Variants in FAT2 observed in about 807,000 individuals in gnomAD.
FAT2 encodes the protein protocadherin Fat 2.
In FAT2, 150 loss-of-function variants were observed where a neutral mutation model predicts 295.3. The ratio of observed to expected loss-of-function variants is 0.51; its 90% CI spans 0.44 to 0.58. FAT2 has a LOEUF of 0.58. Ranked by LOEUF, FAT2 falls within the 20% of genes least tolerant of loss-of-function variation. The probability of loss-of-function intolerance (pLI) is 0.00; values close to 1 mark genes in which losing one functional copy is unlikely to be tolerated. For missense variants in FAT2, 4,868 were observed against 5,442.7 expected, an observed-to-expected ratio of 0.89 and a Z score of 3.32; for synonymous variants, 2,026 against 2,150.3, an observed-to-expected ratio of 0.94 and a Z score of 1.60.
chr5:151,586,680 TA>T (rs1363108845), intron 1 of FAT2, among the ~76,000 whole-genome samples: 1 of 152,224 alleles, frequency 6.6e-6, no homozygotes, highest in Non-Finnish European at 1.5e-5. Context: ...CCAATGTTTA[TA>T]AAATAAAAGC....
At position 151,568,795 on chromosome 5, in the gene FAT2, G is replaced by A. The variant is rs1220614830; in HGVS notation, c.137C>T (p.Ser46Phe). ...SHYNATIYEN[S>F]SPKTYVESFE... ...GCTCTCCACATAGGTCTTGGGAGAAGAATTTTCATAGATGGTGGCATTGTA... is the reference window on the plus strand; with the variant it reads ...GCTCTCCACATAGGTCTTGGGAGAAAAATTTTCATAGATGGTGGCATTGTA... The change falls in exon 2 of 24, where the codon TCT becomes TTT. Residue 46 changes from serine to phenylalanine, a missense_variant. Coordinates refer to ENST00000261800, the MANE Select transcript of FAT2 (RefSeq NM_001447.3). 1.2e-6 allele frequency: 2 copies of A among 1,614,174 alleles called. No homozygotes were observed. Among genetic ancestry groups the A allele is most frequent in the South Asian group, 2.2e-5 (2 of 91,078 alleles).
At position 151,540,627 on chromosome 5, in the gene FAT2, A is replaced by G; in HGVS notation, c.8979T>C (p.Ala2993=). Residue 2993 remains alanine (A), a synonymous_variant, in exon 11 of 24, where the codon GCT becomes GCC. Coordinates refer to ENST00000261800, the MANE Select transcript of FAT2 (RefSeq NM_001447.3). Reference sequence around the variant, plus strand: ...GGACAAAGATCTCCACAGTGACCGAAGCCTGGAACTTGCCATCAGATGCTG... The same window carrying G: ...GGACAAAGATCTCCACAGTGACCGAGGCCTGGAACTTGCCATCAGATGCTG... ...RVTASDGKFQ[A]SVTVEIFVLD... 1.2e-6 allele frequency: 2 copies of G among 1,614,188 alleles called. No individual in the cohort carries two copies. Among genetic ancestry groups the G allele is most frequent in the Non-Finnish European group, 1.7e-6 (2 of 1,180,028 alleles).
At chr5:151,546,403 A>T (rs1444773347) in intron 9 of FAT2, 66 bp from the exon 10 acceptor site, 2 of 1,255,418 alleles carry the variant, frequency 1.6e-6, no homozygotes, top group Non-Finnish European at 2.2e-6. Flanking sequence ...GGCTTTCTAG[A>T]TCAGTAAAGG....
chr5:151,593,249 G>A (rs1759483572), upstream of FAT2, among the ~76,000 whole-genome samples: 1 of 152,244 alleles, frequency 6.6e-6, no homozygotes, highest in South Asian at 2.1e-4. Flanking sequence ...GGGTGGCGGG[G>A]CAGCCCCACG....
Position 151,546,020 on chromosome 5 carries a change from A to G in FAT2, c.5107T>C (p.Phe1703Leu), listed in dbSNP as rs758341843. 6.2e-7 allele frequency: 1 copy of G among 1,614,208 alleles called. No individual in the cohort carries two copies. The highest frequency in any genetic ancestry group is 2.2e-5 in the East Asian group (1 of 44,884). ...ELREGNKDGV[F>L]SMNSYSGLIS... Reference sequence around the variant, plus strand: ...AGGCCAGAATATGAGTTCATAGAGAAGACTCCATCCTTATTTCCCTCTCTT... The same window carrying G: ...AGGCCAGAATATGAGTTCATAGAGAGGACTCCATCCTTATTTCCCTCTCTT... Residue 1703 changes from phenylalanine to leucine, a missense_variant, in exon 10 of 24, where the codon TTC (phenylalanine) becomes CTC (leucine). By Grantham distance (22) the Phe-to-Leu change is conservative. Around this residue, in one of 5 missense-constraint regions of FAT2, gnomAD observed 3,297 missense variants for 3,669.4 expected, o/e 0.90. Transcript: ENST00000261800.
rs1758262420 is a variant in FAT2, at chr5:151,566,359, G to T, written c.2573C>A (p.Thr858Asn). ...DSEDNGRVRYTLLSPTEKFSL... is the reference protein window; with the variant it reads ...DSEDNGRVRYNLLSPTEKFSL... ...GAACTTCTCTGTGGGACTTAGCAGG[G>T]TGTAGCGAACCCTGCCATTGTCTTC... Residue 858 changes from threonine to asparagine, a missense_variant, in exon 2 of 24, where the codon ACC becomes AAC. Thr to Asn is a moderately conservative substitution (Grantham distance 65). Coordinates refer to ENST00000261800, the MANE Select transcript of FAT2 (RefSeq NM_001447.3). 1 of 1,614,002 alleles carries T rather than the reference G, an allele frequency of 6.2e-7. No individual in the cohort carries two copies. Among genetic ancestry groups the T allele is most frequent in the East Asian group, 2.2e-5 (1 of 44,882 alleles).
chr5:151,540,787 C>A, intron 10 of FAT2, 24 bp from the exon 11 acceptor site: 1 of 1,593,574 alleles, frequency 6.3e-7, no homozygotes, highest in South Asian at 1.1e-5. Context: ...GCAGAGCTTT[C>A]AGAAGCCAAG....
At position 151,527,279 on chromosome 5, in the gene FAT2, A is replaced by T. The variant is rs779087424; in HGVS notation, c.10263T>A (p.Asp3421Glu). 6.2e-7 allele frequency: 1 copy of T among 1,607,728 alleles called. No individual in the cohort carries two copies. The highest frequency in any genetic ancestry group is 1.1e-5 in the South Asian group (1 of 90,662). ...DIAIQVADVN[D>E]NPPRFFQLNY... ...TGAGCTGGAAGAATCTCGGTGGGTT[A>T]TCATTGACATCAGCCACTTGGATAG... Residue 3421 changes from aspartate (D) to glutamate (E), a missense_variant, in exon 17 of 24, where the codon GAT (aspartate) becomes GAA (glutamate). Physicochemically the swap from Asp to Glu is conservative, Grantham distance 45. Transcript: ENST00000261800.
Position 151,534,491 on chromosome 5 carries a change from G to C in FAT2, c.9345C>G (p.Pro3115=). ...CGAAGACAGCCACAGCACAGTGGCT[G>C]GGGAAGAACCGCGGGGCATTGTCAT... ...DVNDNAPRFF[P]SHCAVAVFDN... is the part of the protein sequence containing the mutation. The change falls in exon 13 of 24, where the codon CCC becomes CCG. Residue 3115 remains proline, a synonymous_variant. Coordinates refer to ENST00000261800, the MANE Select transcript of FAT2 (RefSeq NM_001447.3). The C allele has an allele frequency of 6.2e-7, 1 of 1,614,082 alleles. No homozygotes were observed. The highest frequency in any genetic ancestry group is 8.5e-7 in the Non-Finnish European group (1 of 1,180,020).
chr5:151,563,199 T>G, intron 3 of FAT2, 126 bp downstream of exon 3: 4 of 881,038 alleles, frequency 4.5e-6, no homozygotes, highest in Non-Finnish European at 6.9e-6. Context: ...ATTCAGTGGA[T>G]TTAGGGTGGG....
chr5:151,549,363 A>T lies in FAT2; in HGVS notation c.4721T>A (p.Leu1574Gln), dbSNP rs2127619133. 2 of 1,614,042 alleles carry T rather than the reference A, an allele frequency of 1.2e-6. No homozygotes were observed. Among genetic ancestry groups the T allele is most frequent in the Middle Eastern group, 3.4e-4 (2 of 5,966 alleles). ...VPDTIAPGTE[L>Q]LQVRAMDADR... ...AGCATCCATGGCTCGGACCTGCAGC[A>T]GCTCTGTGCCGGGGGCTATGGTGTC... is the stretch of plus-strand genomic sequence containing the variant. The change falls in exon 9 of 24, where the codon CTG becomes CAG. Residue 1574 changes from leucine (L) to glutamine (Q), a missense_variant. By Grantham distance (113) the Leu-to-Gln change is moderately radical. Around this residue, in one of 5 missense-constraint regions of FAT2, gnomAD observed 3,297 missense variants for 3,669.4 expected, o/e 0.90. Coordinates refer to ENST00000261800, the MANE Select transcript of FAT2 (RefSeq NM_001447.3).
chr5:151,593,730 G>A (rs1424663674), upstream of FAT2, among the ~76,000 whole-genome samples: 4 of 152,116 alleles, frequency 2.6e-5, no homozygotes, highest in East Asian at 1.9e-4. Flanking sequence ...TAGGCTGGGC[G>A]CAGTGGCTCA....
rs1363572881 is a variant in FAT2 at position 151,507,334 on chromosome 5, T to C, written c.12337A>G (p.Asn4113Asp). The C allele has an allele frequency of 6.2e-7, 1 of 1,614,178 alleles. No homozygotes were observed. The highest frequency in any genetic ancestry group is 1.7e-5 in the Admixed American group (1 of 60,022). ...TTGCTGGGTTCCGGTTGGTTGAGGT[T>C]GTTGCAGGAGCTGGCACTCAATGGG... ...LNPLSASSCN[N>D]LNQPEPSKAS... is the part of the protein sequence containing the mutation. Residue 4113 changes from asparagine (N) to aspartate (D), a missense_variant, in exon 23 of 24, where the codon AAC (asparagine) becomes GAC (aspartate). Physicochemically the swap from Asn to Asp is conservative, Grantham distance 23. Around this residue, in one of 5 missense-constraint regions of FAT2, gnomAD observed 492 missense variants for 482.6 expected, o/e 1.02. Transcript: ENST00000261800.
At chr5:151,515,136 C>T (rs1752723933) in intron 20 of FAT2, among the ~76,000 whole-genome samples, 1 of 152,130 alleles carries the variant, frequency 6.6e-6, no homozygotes, top group African/African-American at 2.4e-5. Context: ...AATCACTTCC[C>T]ATCTTACTGG....
chr5:151,540,172 A>G (rs1167994697), intron 11 of FAT2, among the ~76,000 whole-genome samples: 4 of 152,218 alleles, frequency 2.6e-5, no homozygotes, highest in Non-Finnish European at 2.9e-5. Context: ...TTGGGAATGT[A>G]GGGGGAGAGA....
intron 1 of FAT2, among the ~76,000 whole-genome samples, chr5:151,583,160 T>A (rs938986313): frequency 6.6e-6 from 1 of 152,170 alleles, no homozygotes; most frequent in Admixed American, 6.5e-5. Flanking sequence ...AGAGTTCCAT[T>A]CATATATGCA....
At position 151,521,918 on chromosome 5, in the gene FAT2, C is replaced by T. The variant is rs778567454; in HGVS notation, c.10675G>A (p.Asp3559Asn). ...MVGKIHATDR[D>N]PQDTLTYSLA... The stretch of plus-strand genomic sequence containing the variant: ...CTATAGGTCAGCGTGTCCTGGGGGT[C>T]TCGGTCTGTGGCATGGATCTTACCC... The change falls in exon 19 of 24, where the codon GAC becomes AAC. Residue 3559 changes from aspartate to asparagine, a missense_variant. Physicochemically the swap from Asp to Asn is conservative, Grantham distance 23. This residue lies in a region of FAT2 where 1,046 missense variants were observed against 1,210.1 expected (regional missense o/e 0.86). Transcript: ENST00000261800. 6.2e-7 allele frequency: 1 copy of T among 1,613,922 alleles called. No homozygotes were observed. The highest frequency in any genetic ancestry group is 1.7e-4 in the Middle Eastern group (1 of 6,058).
chr5:151,568,979 A>G lies in FAT2; in HGVS notation c.-20-28T>C, dbSNP rs1353914055. Reference sequence around the variant, plus strand: ...GGGCAGAAAATAAAAGACAGGGTGCAAGTTAGGGGGAAAAAATGGTTTCTA... The same window carrying G: ...GGGCAGAAAATAAAAGACAGGGTGCGAGTTAGGGGGAAAAAATGGTTTCTA... On this transcript the variant is annotated intron_variant, in intron 1 of 23. Coordinates refer to ENST00000261800, the MANE Select transcript of FAT2 (RefSeq NM_001447.3). The G allele has an allele frequency of 2.0e-6, 3 of 1,533,292 alleles. No homozygotes were observed. In the African/African-American group the frequency reaches 4.2e-5, roughly 21 times the overall value. The allele number at this position is 1,533,292 out of a possible 1,614,324, so 95.0% of individuals were successfully genotyped here.
chr5:151,546,354 G>A lies in FAT2; in HGVS notation c.4790-17C>T. ...CGCTGTTCCCTGAAACAGAAGACAA[G>A]ACAAACAAGTTTGCCACACCCTCGA... On this transcript the variant is annotated splice_polypyrimidine_tract_variant and intron_variant, in intron 9 of 23. Coordinates refer to ENST00000261800, the MANE Select transcript of FAT2 (RefSeq NM_001447.3). 1 of 1,597,082 alleles carries A rather than the reference G, an allele frequency of 6.3e-7. No individual in the cohort carries two copies. The highest frequency in any genetic ancestry group is 8.5e-7 in the Non-Finnish European group (1 of 1,170,518).
Sources: gnomAD v4.1 joint callset for allele counts (sites outside exome capture counted in the v4.1 genomes callset) on GRCh38, gnomAD v4.1.1 for gene constraint, gnomAD v4.1.1 regional missense constraint, MANE v1.5 for transcripts, NCBI Gene and HGNC (gene_info 2026-07-23, HGNC 2026-07-21) for gene names.